LRRC43: variants seen among roughly 807,000 people sequenced by gnomAD.
LRRC43 encodes leucine-rich repeat-containing protein 43.
A neutral mutation model predicts 64.3 loss-of-function variants in LRRC43; 62 were observed. The ratio of observed to expected loss-of-function variants is 0.96; its 90% CI spans 0.79 to 1.19. LRRC43 has a LOEUF of 1.19. LRRC43 is among the 50% of genes most tolerant of loss of function. The probability of loss-of-function intolerance (pLI) is 0.00; values close to 1 mark genes in which losing one functional copy is unlikely to be tolerated. For synonymous variants in LRRC43, 422 were observed against 382.3 expected (o/e 1.10, Z -1.21); for missense variants, 868 against 845.0 (o/e 1.03, Z -0.34).
intron 1 of LRRC43, among the ~76,000 whole-genome samples, chr12:122,169,375 A>G (rs559012229): frequency 6.6e-6 from 1 of 152,246 alleles, no homozygotes; most frequent in Non-Finnish European, 1.5e-5. Context: ...TGGTGTTCTA[A>G]TGATGATTTT....
intron 5 of LRRC43, among the ~76,000 whole-genome samples, chr12:122,190,795 G>T (rs1204351286): frequency 4.6e-5 from 7 of 151,952 alleles, no homozygotes; most frequent in Non-Finnish European, 1.0e-4. Context: ...CCCGGGAGGT[G>T]GAGGCTGCAG....
chr12:122,195,166 C>A (rs1206210517), intron 7 of LRRC43, among the ~76,000 whole-genome samples: 3 of 152,054 alleles, frequency 2.0e-5, no homozygotes, highest in Non-Finnish European at 4.4e-5. Flanking sequence ...CTTTATTTCA[C>A]CTGCAATTTT....
rs872449 is a variant in LRRC43 at position 122,201,316 on chromosome 12, A to G, written c.1830A>G (p.Lys610=). ...CTCAGGATTCAAAGAAGATTAAGAA[A>G]GTTGCCAAAAAAGGTGAGTGCCGAT... ...TLARDSKKIK[K]VAKKEKPKAV... is the part of the protein sequence containing the mutation. The change falls in exon 11 of 12, where the codon AAA becomes AAG. Residue 610 remains lysine, a synonymous_variant. Coordinates refer to ENST00000339777, the MANE Select transcript of LRRC43 (RefSeq NM_001098519.2). 2.5e-6 allele frequency: 4 copies of G among 1,614,014 alleles called. No homozygotes were observed. In the South Asian group the frequency reaches 4.4e-5, roughly 18 times the overall value.
At position 122,184,852 on chromosome 12, in the gene LRRC43, T is replaced by C; in HGVS notation, c.411+73T>C. ...AAGGGAGGTTGTGGGGAGGGCACCC[T>C]TCCCCACAGCGCGTCAGGGATCCTG... On this transcript the variant is annotated intron_variant, in intron 2 of 11. Transcript: ENST00000339777. This position sits in a 1 kb window ranked among gnomAD's most constrained non-coding sequence, Gnocchi z 4.0. 1 of 1,476,724 alleles carries C rather than the reference T, an allele frequency of 6.8e-7. No individual in the cohort carries two copies. 91.5% of individuals were successfully genotyped at this position (1,476,724 alleles called of 1,614,324 possible). A position where few individuals can be genotyped will look rare whatever the true frequency, so the allele number is the denominator to read the frequency against.
rs1566013520 is a variant in LRRC43, at chr12:122,200,551, T to G, written c.1511T>G (p.Val504Gly). Reference protein sequence around the residue: ...VEEKILSWPVVLPAVDSPLSA... With the variant: ...VEEKILSWPVGLPAVDSPLSA... ...CCCTAGATTCTCTCCTGGCCTGTGGTGCTACCTGCTGTTGACAGTCCCCTG... is the reference window on the plus strand; with the variant it reads ...CCCTAGATTCTCTCCTGGCCTGTGGGGCTACCTGCTGTTGACAGTCCCCTG... Residue 504 changes from valine (V) to glycine (G), a missense_variant, in exon 9 of 12, where the codon GTG becomes GGG. Physicochemically the swap from Val to Gly is moderately radical, Grantham distance 109. Transcript: ENST00000339777. This position sits in a 1 kb window ranked among gnomAD's most constrained non-coding sequence, Gnocchi z 4.6. 1 of 1,613,654 alleles carries G rather than the reference T, an allele frequency of 6.2e-7. No homozygotes were observed. Among genetic ancestry groups the G allele is most frequent in the Non-Finnish European group, 8.5e-7 (1 of 1,179,772 alleles).
intron 1 of LRRC43, chr12:122,173,832 T>C (rs61955584): frequency 0.18 from 291,041 of 1,610,290 alleles, 28,077 homozygotes; most frequent in Admixed American, 0.28. Flanking sequence ...AAGAAATCTC[T>C]AGGACACTCA....
Position 122,184,942 on chromosome 12 carries a change from A to C in LRRC43, c.411+163A>C, listed in dbSNP as rs1398562871. ...GCTTCATCTCCCTGGCTTGTGTGCC[A>C]GGCAGGGCCGGCTACTCGGTCAGCC... On this transcript the variant is annotated intron_variant, in intron 2 of 11. Coordinates refer to ENST00000339777, the MANE Select transcript of LRRC43 (RefSeq NM_001098519.2). The surrounding 1 kb of genome is among the most constrained non-coding windows in gnomAD (Gnocchi z 4.0). 6.6e-6 allele frequency among the ~76,000 whole-genome samples: 1 copy of C among 152,126 alleles called. No homozygotes were observed. Among genetic ancestry groups the C allele is most frequent in the Non-Finnish European group, 1.5e-5 (1 of 68,008 alleles).
At chr12:122,194,466 T>C (rs1953754737) in intron 7 of LRRC43, among the ~76,000 whole-genome samples, 1 of 150,516 alleles carries the variant, frequency 6.6e-6, no homozygotes, top group Admixed American at 6.7e-5. Context: ...CTACTTAGGC[T>C]GGGGCAGGAG....
intron 10 of LRRC43, 149 bp from the exon 11 acceptor site, chr12:122,201,147 G>A (rs1459760929): frequency 9.9e-7 from 1 of 1,012,902 alleles, no homozygotes; most frequent in African/African-American, 1.6e-5. Context: ...CCTTCCCTTT[G>A]GGGATGGGCT....
Position 122,200,269 on chromosome 12 carries a change from A to G in LRRC43, c.1430A>G (p.Asp477Gly). The G allele has an allele frequency of 6.2e-7, 1 of 1,613,618 alleles. No homozygotes were observed. The highest frequency in any genetic ancestry group is 8.5e-7 in the Non-Finnish European group (1 of 1,179,962). ...TACGAGATGCAGCACTCTCTCAGGG[A>G]CCTGGTCCCACTGAAGGCCTTCCTG... ...CSYEMQHSLR[D>G]LVPLKAFLLA... The change falls in exon 8 of 12, where the codon GAC becomes GGC. Residue 477 changes from aspartate to glycine, a missense_variant. By Grantham distance (94) the Asp-to-Gly change is moderately conservative. Transcript: ENST00000339777. The surrounding 1 kb of genome is among the most constrained non-coding windows in gnomAD (Gnocchi z 4.6).
chr12:122,172,469 C>T, intron 1 of LRRC43: 1 of 1,614,206 alleles, frequency 6.2e-7, no homozygotes, highest in South Asian at 1.1e-5. Flanking sequence ...GGTCCATGCA[C>T]TCTGAAAACT....
chr12:122,186,067 G>A (rs981745071), intron 2 of LRRC43, 123 bp from the exon 3 acceptor site: 2 of 648,422 alleles, frequency 3.1e-6, no homozygotes, highest in East Asian at 2.7e-5. Flanking sequence ...CGGGGAGCAG[G>A]GGGTGGGAAG....
chr12:122,201,328 A>C lies in LRRC43; in HGVS notation c.1842A>C (p.Lys614Asn), dbSNP rs748690778. ...AGAAGATTAAGAAAGTTGCCAAAAA[A>C]GGTGAGTGCCGATGGTGGTGACCAA... ...DSKKIKKVAK[K>N]EKPKAVIPIY... Residue 614 changes from lysine (K) to asparagine (N), a missense_variant and splice_region_variant, in exon 11 of 12, where the codon AAA becomes AAC. Lys to Asn is a moderately conservative substitution (Grantham distance 94). Coordinates refer to ENST00000339777, the MANE Select transcript of LRRC43 (RefSeq NM_001098519.2). The C allele has an allele frequency of 1.2e-6, 2 of 1,614,100 alleles. No homozygotes were observed. Among genetic ancestry groups the C allele is most frequent in the Admixed American group, 1.7e-5 (1 of 60,018 alleles).
At chr12:122,178,801 G>T (rs868043043), upstream of LRRC43, among the ~76,000 whole-genome samples, 7 of 151,846 alleles carry the variant, frequency 4.6e-5, no homozygotes, top group Non-Finnish European at 8.8e-5. Flanking sequence ...TAGAGATGGG[G>T]TTTTTTCATG....
At chr12:122,199,210 G>A (rs1024556435) in intron 7 of LRRC43, among the ~76,000 whole-genome samples, 1 of 148,946 alleles carries the variant, frequency 6.7e-6, no homozygotes, top group Admixed American at 6.7e-5. Context: ...TTGCCATGGT[G>A]TTCTGAGACT....
In LRRC43 at chr12:122,190,229, G is replaced by A; in HGVS notation, c.762G>A (p.Val254=). 6.2e-7 allele frequency: 1 copy of A among 1,614,168 alleles called. No individual in the cohort carries two copies. The highest frequency in any genetic ancestry group is 8.5e-7 in the Non-Finnish European group (1 of 1,180,036). The change falls in exon 5 of 12, where the codon GTG becomes GTA. Residue 254 remains valine (V), a synonymous_variant. Transcript: ENST00000339777. ...CCCTCCGGCACCTGCGACTCCTGGT[G>A]CTGCAGGGAAACCCACTGGCCTTGG... is the stretch of plus-strand genomic sequence containing the variant. ...LRTLRHLRLL[V]LQGNPLALVP...
At chr12:122,186,386 C>A in intron 3 of LRRC43, 86 bp downstream of exon 3, 1 of 838,180 alleles carries the variant, frequency 1.2e-6, no homozygotes, top group Non-Finnish European at 2.0e-6. Context: ...GTGTGGCCAG[C>A]ATGGGTGGAG....
chr12:122,176,350 G>T (rs577181311), intron 1 of LRRC43, among the ~76,000 whole-genome samples: 3 of 152,252 alleles, frequency 2.0e-5, no homozygotes, highest in Admixed American at 6.5e-5. Flanking sequence ...CCACAGTGAC[G>T]CGAGAGGACA....
At position 122,200,464 on chromosome 12, in the gene LRRC43, G is replaced by A. The variant is rs1953823210; in HGVS notation, c.1492-68G>A. On this transcript the variant is annotated intron_variant, in intron 8 of 11. Coordinates refer to ENST00000339777, the MANE Select transcript of LRRC43 (RefSeq NM_001098519.2). The surrounding 1 kb of genome is among the most constrained non-coding windows in gnomAD (Gnocchi z 4.6). ...TTCTCAGCGCCATTCCAGAAAGGGT[G>A]AGGGAGAGGTGACCCCAGGCAGCCC... 2 of 1,611,622 alleles carry A rather than the reference G, an allele frequency of 1.2e-6. No individual in the cohort carries two copies. Among genetic ancestry groups the A allele is most frequent in the African/African-American group, 2.7e-5 (2 of 74,886 alleles).
Sources: allele counts gnomAD v4.1 joint callset (sites outside exome capture counted in the v4.1 genomes callset), GRCh38; gene constraint gnomAD v4.1.1; non-coding constraint Gnocchi (gnomAD v3.1); transcripts MANE v1.5; gene names NCBI Gene and HGNC (gene_info 2026-07-23, HGNC 2026-07-21).